TBXT: variants seen among roughly 807,000 people sequenced by gnomAD.
TBXT encodes the protein T-box transcription factor T.
Under a neutral mutation model 41.1 loss-of-function variants are expected in TBXT, and 19 were observed. That is an observed-to-expected ratio of 0.46 (90% CI 0.32 to 0.68). The LOEUF is 0.68. TBXT is among the 30% of genes least tolerant of loss of function. The pLI is 0.03. For missense variants in TBXT, 536 were observed against 582.0 expected, an observed-to-expected ratio of 0.92 and a Z score of 0.81; for synonymous variants, 213 against 238.9, an observed-to-expected ratio of 0.89 and a Z score of 1.00.
upstream of TBXT, chr6:166,168,266 C>A (rs1005047797): frequency 6.6e-6 from 1 of 152,008 alleles, no homozygotes; most frequent in African/African-American, 2.4e-5. Flanking sequence ...GGGTCCTCCT[C>A]GCTTTCCCAG....
At chr6:166,166,495 C>T (rs1779118822) in intron 2 of TBXT, 97 bp downstream of exon 2, 5 of 1,588,262 alleles carry the variant, frequency 3.1e-6, no homozygotes, top group Admixed American at 1.7e-5. Context: ...ACGTCGCCTC[C>T]CGTTCAAGCA....
At chr6:166,160,789 AG>A in intron 7 of TBXT, 47 bp downstream of exon 7, 3 of 1,611,708 alleles carry the variant, frequency 1.9e-6, no homozygotes, top group Non-Finnish European at 2.5e-6. Context: ...GTGAAGTCAC[AG>A]GCAGAGCTCC....
intron 3 of TBXT, 115 bp from the exon 4 acceptor site, chr6:166,164,976 G>C: frequency 1.2e-6 from 1 of 853,758 alleles, no homozygotes; most frequent in South Asian, 1.5e-5. Flanking sequence ...AATATAATCA[G>C]ACTTCTTTCC....
intron 6 of TBXT, among the ~76,000 whole-genome samples, chr6:166,161,930 A>AT (rs397723286): frequency 1.3e-5 from 2 of 151,952 alleles, no homozygotes; most frequent in Admixed American, 1.3e-4. Context: ...CTCAAAAAAA[A>AT]GCACACATTG....
chr6:166,167,826 C>T lies in TBXT; in HGVS notation c.-235G>A. The T allele has an allele frequency of 1.7e-6, 1 of 599,752 alleles. No homozygotes were observed. The highest frequency in any genetic ancestry group is 3.0e-6 in the Non-Finnish European group (1 of 338,344). 37.2% of individuals were successfully genotyped at this position (599,752 alleles called of 1,614,324 possible). A position where few individuals can be genotyped will look rare whatever the true frequency, so the allele number is the denominator to read the frequency against. On this transcript the variant is annotated 5_prime_UTR_variant, in exon 1 of 8. Coordinates refer to ENST00000366876, the MANE Select transcript of TBXT (RefSeq NM_001366285.2). ...GGAGAAGTTATTCCACTTGAACTCC[C>T]CAAGGCTCTACTAGTGTAGGTCTCT...
chr6:166,159,256 C>A (rs3127331), intron 7 of TBXT, among the ~76,000 whole-genome samples: 2 of 151,958 alleles, frequency 1.3e-5, no homozygotes, highest in Non-Finnish European at 2.9e-5. Flanking sequence ...ATAGTCTCAA[C>A]CAAAAGTTAC....
At chr6:166,165,904 A>T in intron 2 of TBXT, 64 bp from the exon 3 acceptor site, 1 of 1,609,260 alleles carries the variant, frequency 6.2e-7, no homozygotes, top group Non-Finnish European at 8.5e-7. Flanking sequence ...CAAAACATCC[A>T]TTTCTCCAGG....
At chr6:166,167,869 G>A, upstream of TBXT, 1 of 524,486 alleles carries the variant, frequency 1.9e-6, no homozygotes, top group East Asian at 3.3e-5. Flanking sequence ...GAAATTCAGT[G>A]CCCTCCCCAT....
chr6:166,157,925 A>C lies in TBXT; in HGVS notation c.*390T>G. The C allele has an allele frequency of 3.0e-6, 1 of 331,738 alleles. No homozygotes were observed. The highest frequency in any genetic ancestry group is 3.1e-5 in the South Asian group (1 of 32,700). 20.5% of individuals were successfully genotyped at this position (331,738 alleles called of 1,614,324 possible). On this transcript the variant is annotated 3_prime_UTR_variant, in exon 8 of 8. Transcript: ENST00000366876. ...GAAGAAGATTAAGAGTGTGCTTTTTATCTCACTAAAGTAGGACTGGTGGAG... is the reference window on the plus strand; with the variant it reads ...GAAGAAGATTAAGAGTGTGCTTTTTCTCTCACTAAAGTAGGACTGGTGGAG...
At chr6:166,159,992 C>T (rs1216263801) in intron 7 of TBXT, among the ~76,000 whole-genome samples, 1 of 152,106 alleles carries the variant, frequency 6.6e-6, no homozygotes, top group Admixed American at 6.5e-5. Flanking sequence ...GTTTTCTAGA[C>T]AAGAATTAAG....
At chr6:166,159,890 G>A (rs757240770) in intron 7 of TBXT, among the ~76,000 whole-genome samples, 3 of 152,186 alleles carry the variant, frequency 2.0e-5, no homozygotes, top group Non-Finnish European at 4.4e-5. Context: ...CTTCTGGGGC[G>A]ATGCTCTTGG....
In TBXT at chr6:166,162,433, G is replaced by T. The variant is rs1397902816; in HGVS notation, c.907+14C>A. Reference sequence around the variant, plus strand: ...CACCCACCAACCCCTGGCAGAATGAGGCTGAGGACTCACTTGGAGAATTGT... The same window carrying T: ...CACCCACCAACCCCTGGCAGAATGATGCTGAGGACTCACTTGGAGAATTGT... On this transcript the variant is annotated intron_variant, in intron 6 of 7. Transcript: ENST00000366876. 1 of 1,614,016 alleles carries T rather than the reference G, an allele frequency of 6.2e-7. No individual in the cohort carries two copies.
At chr6:166,160,254 A>T (rs1373887930) in intron 7 of TBXT, among the ~76,000 whole-genome samples, 1 of 152,228 alleles carries the variant, frequency 6.6e-6, no homozygotes, top group Admixed American at 6.5e-5. Flanking sequence ...ATAACTTGCA[A>T]GTTGGTAACA....
chr6:166,160,632 G>A (rs754164623), intron 7 of TBXT, among the ~76,000 whole-genome samples: 1 of 152,152 alleles, frequency 6.6e-6, no homozygotes, highest in Non-Finnish European at 1.5e-5. Flanking sequence ...AGTCCTTCCA[G>A]CGAACAGACT....
intron 3 of TBXT, among the ~76,000 whole-genome samples, chr6:166,165,257 G>T (rs1344445785): frequency 1.3e-5 from 2 of 152,032 alleles, no homozygotes; most frequent in East Asian, 3.9e-4. Context: ...TTGGGGTTGG[G>T]CTTAGGCATA....
rs35611580 is a variant in TBXT at position 166,167,345 on chromosome 6, C to G, written c.206+41G>C. 6.8e-6 allele frequency: 11 copies of G among 1,609,572 alleles called. No individual in the cohort carries two copies. In the African/African-American group the frequency reaches 1.1e-4, roughly 16 times the overall value. On this transcript the variant is annotated intron_variant, in intron 1 of 7. Transcript: ENST00000366876. Reference sequence around the variant, plus strand: ...CCAGGTCCCCCAGGCTGCCCAGGCGCTGGAGAGCGCGGCGCGCGCGGGCTC... The same window carrying G: ...CCAGGTCCCCCAGGCTGCCCAGGCGGTGGAGAGCGCGGCGCGCGCGGGCTC...
Position 166,162,593 on chromosome 6 carries a change from G to C in TBXT, c.761C>G (p.Thr254Ser), listed in dbSNP as rs1348863651. ...ATGAGGATTTGCAGGTGGACACAGG[G>C]TGCTGGTTCCAGGAAGAAGCCACCC... Reference protein sequence around the residue: ...SGGWLLPGTSTLCPPANPHPQ... With the variant: ...SGGWLLPGTSSLCPPANPHPQ... The change falls in exon 6 of 8, where the codon ACC becomes AGC. Residue 254 changes from threonine (T) to serine (S), a missense_variant. Physicochemically the swap from Thr to Ser is moderately conservative, Grantham distance 58. Transcript: ENST00000366876. The C allele has an allele frequency of 6.2e-6, 10 of 1,613,852 alleles. No homozygotes were observed. Among genetic ancestry groups the C allele is most frequent in the African/African-American group, 1.3e-5 (1 of 74,924 alleles).
chr6:166,167,325 T>TC, intron 1 of TBXT, 61 bp downstream of exon 1: 1 of 1,594,526 alleles, frequency 6.3e-7, no homozygotes, highest in Non-Finnish European at 8.6e-7. Context: ...ACTTGCCAGG[T>TC]CCCCCAGGCT....
Position 166,158,503 on chromosome 6 carries a change from G to A in TBXT, c.1123C>T (p.Gln375Ter). ...TGCGCGGGGGAGCCCCGGAAGAACT[G>A]GGCCCCCAGCCCGTTGGACACGGCT... ...AAAVSNGLGA[Q>*]FFRGSPAHYT... Residue 375 changes from glutamine to a stop codon, truncating the protein, a stop_gained, in exon 8 of 8, where the codon CAG becomes TAG. Coordinates refer to ENST00000366876, the MANE Select transcript of TBXT (RefSeq NM_001366285.2). LOFTEE classifies it low-confidence loss of function (END_TRUNC). The A allele has an allele frequency of 6.2e-7, 1 of 1,608,202 alleles. No individual in the cohort carries two copies. Among genetic ancestry groups the A allele is most frequent in the Non-Finnish European group, 8.5e-7 (1 of 1,176,560 alleles).
Sources: allele counts gnomAD v4.1 joint callset (sites outside exome capture counted in the v4.1 genomes callset), GRCh38; gene constraint gnomAD v4.1.1; transcripts MANE v1.5; gene names NCBI Gene and HGNC (gene_info 2026-07-23, HGNC 2026-07-21).